The following WDR20 variants were observed in gnomAD, a reference collection of about 807,000 sequenced individuals.
The protein encoded by WDR20 is WD repeat-containing protein 20.
A neutral mutation model predicts 38.7 loss-of-function variants in WDR20; 3 were observed. That is an observed-to-expected ratio of 0.08 (90% CI 0.04 to 0.20). The LOEUF is 0.20. Among genes scored for constraint, WDR20 ranks in the 10% least tolerant of loss-of-function variants. WDR20 has a pLI of 1.00. For synonymous variants in WDR20, 298 were observed against 285.6 expected, an observed-to-expected ratio of 1.04 and a Z score of -0.44; for missense variants, 559 against 727.7, an observed-to-expected ratio of 0.77 and a Z score of 2.67.
chr14:102,141,237 G>T lies in WDR20; in HGVS notation c.249+1065G>T, dbSNP rs118130588. Among the ~76,000 whole-genome samples, 310 of 152,304 alleles carry T rather than the reference G, an allele frequency of 2.0e-3. 1 individual carries two copies. The highest frequency in any genetic ancestry group is 3.4e-3 in the Non-Finnish European group (231 of 68,024). ...GGACAAGGTGATAAAAGATTAAGTC[G>T]TAAATGCATGTTAGCATGAAAATAA... On this transcript the variant is annotated intron_variant, in intron 1 of 2. Coordinates refer to ENST00000342702, the MANE Select transcript of WDR20 (RefSeq NM_144574.4).
At chr14:102,195,178 C>A in intron 2 of WDR20, 58 bp downstream of exon 2, 1 of 1,567,456 alleles carries the variant, frequency 6.4e-7, no homozygotes, top group Non-Finnish European at 8.7e-7. Context: ...TACATTCTTA[C>A]CGAGGGTAGT....
chr14:102,204,713 T>C (rs146130592), intron 2 of WDR20, among the ~76,000 whole-genome samples: 17 of 152,324 alleles, frequency 1.1e-4, no homozygotes, highest in African/African-American at 4.1e-4. Flanking sequence ...TTTGGTAACA[T>C]CTGTAAAAAT....
chr14:102,151,995 C>T (rs746420508), intron 1 of WDR20, among the ~76,000 whole-genome samples: 5 of 152,086 alleles, frequency 3.3e-5, no homozygotes, highest in Non-Finnish European at 7.4e-5. Flanking sequence ...GATCTCAACT[C>T]ACTGCAACCT....
rs1491558046 is a variant in WDR20, at chr14:102,161,143, T to TATATATATA, written c.249+20971_249+20972insATATATATA. ...CTGCATATATATATATATATATATA[T>TATATATATA]TTTTTTTTTTTTTTTTTTTTTTTTT... On this transcript the variant is annotated intron_variant, in intron 1 of 2. Transcript: ENST00000342702. Among the ~76,000 whole-genome samples the TATATATATA allele has an allele frequency of 6.2e-4, 7 of 11,246 alleles. 1 individual carries two copies. The highest frequency in any genetic ancestry group is 1.7e-3 in the African/African-American group (4 of 2,304). The allele number at this position is 11,246 out of a possible 152,430, so 7.4% of individuals were successfully genotyped here.
chr14:102,186,532 C>T (rs1169953920), intron 1 of WDR20, among the ~76,000 whole-genome samples: 2 of 151,918 alleles, frequency 1.3e-5, no homozygotes, highest in Non-Finnish European at 2.9e-5. Flanking sequence ...TTCAGTGCCT[C>T]CCCCCACAAC....
chr14:102,213,677 C>T, downstream of WDR20: 1 of 985,490 alleles, frequency 1.0e-6, no homozygotes, highest in Non-Finnish European at 1.2e-6. Flanking sequence ...CATTTCTCCC[C>T]AGTTCCTCCA....
intron 2 of WDR20, among the ~76,000 whole-genome samples, chr14:102,200,065 G>T (rs751456313): frequency 6.6e-6 from 1 of 152,216 alleles, no homozygotes; most frequent in Admixed American, 6.5e-5. Flanking sequence ...GTGAGCATGG[G>T]CAGGCCCTGC....
At chr14:102,214,447 T>TA (rs1290770662), downstream of WDR20, 347 of 985,340 alleles carry the variant, frequency 3.5e-4, no homozygotes, top group Non-Finnish European at 4.1e-4. Flanking sequence ...AGATCCTAGT[T>TA]ACGAACTATA....
intron 1 of WDR20, among the ~76,000 whole-genome samples, chr14:102,190,122 A>G (rs890832127): frequency 1.3e-5 from 2 of 151,578 alleles, no homozygotes; most frequent in African/African-American, 4.9e-5. Context: ...TGTAGAGCTG[A>G]TAAGAGCACA....
chr14:102,175,392 A>G lies in WDR20; in HGVS notation c.250-19546A>G, dbSNP rs1449085932. On this transcript the variant is annotated intron_variant, in intron 1 of 2. Coordinates refer to ENST00000342702, the MANE Select transcript of WDR20 (RefSeq NM_144574.4). Reference sequence around the variant, plus strand: ...TGGGTTTATTTCTGGATTCTCTGTTATGTTCCGTTGGTCTGTGTATCTGTT... The same window carrying G: ...TGGGTTTATTTCTGGATTCTCTGTTGTGTTCCGTTGGTCTGTGTATCTGTT... Among the ~76,000 whole-genome samples, 35 of 152,084 alleles carry G rather than the reference A, an allele frequency of 2.3e-4. 1 individual carries two copies.
chr14:102,187,465 G>C (rs2065135499), intron 1 of WDR20, among the ~76,000 whole-genome samples: 1 of 151,994 alleles, frequency 6.6e-6, no homozygotes, highest in Admixed American at 6.6e-5. Flanking sequence ...GAGGATAGGG[G>C]ACTTTTTTTG....
At chr14:102,214,972 G>A, downstream of WDR20, 14 of 984,952 alleles carry the variant, frequency 1.4e-5, no homozygotes, top group Non-Finnish European at 1.6e-5. Context: ...TCTGTATACT[G>A]ACATTAAATA....
At chr14:102,223,007 C>A in exon 4 of WDR20, 1 of 1,167,530 alleles carries the variant, frequency 8.6e-7, no homozygotes, top group Non-Finnish European at 1.3e-6. Context: ...TCGGCGATAG[C>A]CGTGTGGACG....
intron 1 of WDR20, among the ~76,000 whole-genome samples, chr14:102,167,908 A>G (rs1358191279): frequency 6.6e-6 from 1 of 152,220 alleles, no homozygotes; most frequent in Non-Finnish European, 1.5e-5. Context: ...TAAATATACA[A>G]GGGACTTTGT....
At chr14:102,189,458 A>G (rs1044731220) in intron 1 of WDR20, among the ~76,000 whole-genome samples, 3 of 152,236 alleles carry the variant, frequency 2.0e-5, no homozygotes, top group Admixed American at 6.5e-5. Context: ...TAAACTTTCC[A>G]TAGAAAAAAT....
Position 102,208,797 on chromosome 14 carries a change from G to A in WDR20, c.627G>A (p.Thr209=), listed in dbSNP as rs757824590. ...TGCACACTTGCAAGAGCAAATCCAC[G>A]AGGAACCCTCTCCTTAAGTGGACGG... The part of the protein sequence containing the change: ...FAVHTCKSKS[T]RNPLLKWTVG... Residue 209 remains threonine, a synonymous_variant, in exon 3 of 3, where the codon ACG becomes ACA. Coordinates refer to ENST00000342702, the MANE Select transcript of WDR20 (RefSeq NM_144574.4). The surrounding 1 kb of genome is among the most constrained non-coding windows in gnomAD (Gnocchi z 5.6). 1.3e-5 allele frequency: 21 copies of A among 1,614,134 alleles called. No homozygotes were observed. Among genetic ancestry groups the A allele is most frequent in the Admixed American group, 5.0e-5 (3 of 60,010 alleles).
intron 1 of WDR20, among the ~76,000 whole-genome samples, chr14:102,147,251 C>G (rs991284941): frequency 6.6e-6 from 1 of 152,126 alleles, no homozygotes; most frequent in East Asian, 1.9e-4. Flanking sequence ...AAAAATTAGC[C>G]AAGTATGGTG....
At chr14:102,144,481 CA>C (rs760450854) in intron 1 of WDR20, among the ~76,000 whole-genome samples, 1,348 of 73,332 alleles carry the variant, frequency 0.018, 13 homozygotes, top group African/African-American at 0.045. Flanking sequence ...GACTCTGTCT[CA>C]AAAAAAAAAA....
intron 1 of WDR20, among the ~76,000 whole-genome samples, chr14:102,176,394 C>CA (rs1175041954): frequency 6.9e-6 from 1 of 144,760 alleles, no homozygotes; most frequent in South Asian, 2.2e-4. Context: ...GACTCCATCT[C>CA]AAAAAAAATC....
Sources: allele counts gnomAD v4.1 joint callset (sites outside exome capture counted in the v4.1 genomes callset), GRCh38; gene constraint gnomAD v4.1.1; non-coding constraint Gnocchi (gnomAD v3.1); transcripts MANE v1.5; gene names NCBI Gene and HGNC (gene_info 2026-07-23, HGNC 2026-07-21).